Variants in TMEM108 observed in about 807,000 individuals in gnomAD.
TMEM108 encodes the protein transmembrane protein 108, also known as cancer/testis antigen 124.
A neutral mutation model predicts 35.1 loss-of-function variants in TMEM108; 12 were observed. The ratio of observed to expected loss-of-function variants is 0.34; its 90% CI spans 0.22 to 0.55. The LOEUF (loss-of-function observed/expected upper bound fraction) is 0.55. TMEM108 is among the 20% of genes least tolerant of loss of function. The pLI, the probability that TMEM108 is intolerant of heterozygous loss-of-function variation, is 0.89. For synonymous variants in TMEM108, 287 were observed against 308.6 expected, an observed-to-expected ratio of 0.93 and a Z score of 0.73; for missense variants, 680 against 753.3, an observed-to-expected ratio of 0.90 and a Z score of 1.14.
intron 3 of TMEM108, among the ~76,000 whole-genome samples, chr3:133,263,484 G>C (rs944553471): frequency 1.3e-5 from 2 of 152,164 alleles, no homozygotes; most frequent in African/African-American, 4.8e-5. Flanking sequence ...CCCCAAATCT[G>C]TGAACACTGT....
At chr3:133,147,626 C>A (rs893006451) in intron 2 of TMEM108, among the ~76,000 whole-genome samples, 2 of 152,240 alleles carry the variant, frequency 1.3e-5, no homozygotes, top group East Asian at 1.9e-4. Context: ...ACTTTCTTAA[C>A]CCTCTTGAGC....
intron 2 of TMEM108, among the ~76,000 whole-genome samples, chr3:133,198,995 C>CT (rs1437881738): frequency 6.6e-5 from 10 of 152,146 alleles, no homozygotes; most frequent in African/African-American, 1.7e-4. Context: ...TCTTTTTACT[C>CT]TTTTTTCTCT....
chr3:133,272,272 C>CATGTGTGTGTGTGTGTGTGT (rs373072243), intron 3 of TMEM108, among the ~76,000 whole-genome samples: 5 of 137,726 alleles, frequency 3.6e-5, no homozygotes, highest in African/African-American at 1.1e-4. Flanking sequence ...CATACACGTA[C>CATGTGTGTGTGTGTGTGTGT]GTGTGTGTGT....
At chr3:133,394,547 C>T (rs530259074) in intron 5 of TMEM108, among the ~76,000 whole-genome samples, 1 of 152,284 alleles carries the variant, frequency 6.6e-6, no homozygotes, top group African/African-American at 2.4e-5. Flanking sequence ...AAAACATACC[C>T]ACATGGTTTT....
chr3:133,292,628 G>A (rs979297303), intron 3 of TMEM108, among the ~76,000 whole-genome samples: 6 of 152,188 alleles, frequency 3.9e-5, no homozygotes, highest in African/African-American at 1.4e-4. Context: ...TTGTTTCAGA[G>A]CCTGCCTGCT....
intron 2 of TMEM108, among the ~76,000 whole-genome samples, chr3:133,148,955 C>T (rs1164684235): frequency 6.6e-6 from 1 of 152,164 alleles, no homozygotes; most frequent in Non-Finnish European, 1.5e-5. Flanking sequence ...CAAAATTATG[C>T]CACTGCACTC....
At chr3:133,298,096 G>A (rs1286560073) in intron 3 of TMEM108, among the ~76,000 whole-genome samples, 5 of 152,102 alleles carry the variant, frequency 3.3e-5, no homozygotes, top group African/African-American at 4.8e-5. Context: ...GGAGAGAATT[G>A]GAGCAGGTAG....
At chr3:133,315,214 T>G (rs1208113986) in intron 3 of TMEM108, among the ~76,000 whole-genome samples, 1 of 152,214 alleles carries the variant, frequency 6.6e-6, no homozygotes, top group Non-Finnish European at 1.5e-5. Flanking sequence ...AATATCCTGT[T>G]TTTATGGTTG....
intron 3 of TMEM108, among the ~76,000 whole-genome samples, chr3:133,377,883 G>C (rs1448512348): frequency 6.6e-6 from 1 of 152,214 alleles, no homozygotes; most frequent in African/African-American, 2.4e-5. Context: ...TCTCATAGGA[G>C]CACAAACCCT....
chr3:133,390,143 G>T, intron 4 of TMEM108, 37 bp from the exon 5 acceptor site: 1 of 1,612,450 alleles, frequency 6.2e-7, no homozygotes, highest in Non-Finnish European at 8.5e-7. Context: ...CATCCTTGCT[G>T]CCTCCCTCTC....
intron 3 of TMEM108, among the ~76,000 whole-genome samples, chr3:133,241,859 C>A (rs1946318502): frequency 6.6e-6 from 1 of 152,132 alleles, no homozygotes; most frequent in African/African-American, 2.4e-5. Flanking sequence ...GGTAATCCAC[C>A]TGCCACAGCC....
intron 2 of TMEM108, among the ~76,000 whole-genome samples, chr3:133,099,068 C>T (rs1314663148): frequency 6.6e-6 from 1 of 152,232 alleles, no homozygotes; most frequent in Admixed American, 6.5e-5. Context: ...CCCACCCCTG[C>T]AGCAAACTTT....
intron 3 of TMEM108, among the ~76,000 whole-genome samples, chr3:133,313,000 C>A (rs2107712943): frequency 6.6e-6 from 1 of 152,230 alleles, no homozygotes; most frequent in South Asian, 2.1e-4. Flanking sequence ...TATCAATATT[C>A]TAATTTTATC....
intron 2 of TMEM108, among the ~76,000 whole-genome samples, chr3:133,138,402 A>G (rs1944594737): frequency 6.6e-6 from 1 of 152,142 alleles, no homozygotes; most frequent in South Asian, 2.1e-4. Flanking sequence ...AACTTATCCA[A>G]CCCAGGGCCT....
At chr3:133,339,071 G>T (rs1234689528) in intron 3 of TMEM108, among the ~76,000 whole-genome samples, 1 of 151,372 alleles carries the variant, frequency 6.6e-6, no homozygotes, top group Non-Finnish European at 1.5e-5. Flanking sequence ...AAACAACCAG[G>T]GGGCAAATAA....
chr3:133,202,898 A>T lies in TMEM108; in HGVS notation c.-46-26368A>T, dbSNP rs140618838. Among the ~76,000 whole-genome samples, 321 of 152,264 alleles carry T rather than the reference A, an allele frequency of 2.1e-3. 2 individuals are homozygous for T. In the Middle Eastern group the frequency reaches 0.037, roughly 18 times the overall value. ...TACTTTTGGCAGTATGGCCATTTTC[A>T]TGATATTGATTCTTCCTATCCATGA... On this transcript the variant is annotated intron_variant, in intron 2 of 5. Coordinates refer to ENST00000321871, the MANE Select transcript of TMEM108 (RefSeq NM_023943.4).
intron 3 of TMEM108, among the ~76,000 whole-genome samples, chr3:133,245,369 A>G (rs1001159625): frequency 6.6e-6 from 1 of 152,154 alleles, no homozygotes. Flanking sequence ...ACTTCAACTT[A>G]TTCCTTGCGA....
chr3:133,372,641 C>T (rs1021591623), intron 3 of TMEM108, among the ~76,000 whole-genome samples: 1 of 152,202 alleles, frequency 6.6e-6, no homozygotes, highest in East Asian at 1.9e-4. Flanking sequence ...GAAGCAGTTT[C>T]CCAAAGTACA....
intron 2 of TMEM108, among the ~76,000 whole-genome samples, chr3:133,085,022 C>T (rs1026312331): frequency 6.6e-6 from 1 of 152,160 alleles, no homozygotes; most frequent in Non-Finnish European, 1.5e-5. Context: ...CCTCGCGAGG[C>T]CTCATGATGT....
Sources: gnomAD v4.1 joint callset for allele counts (sites outside exome capture counted in the v4.1 genomes callset) on GRCh38, gnomAD v4.1.1 for gene constraint, MANE v1.5 for transcripts, NCBI Gene and HGNC (gene_info 2026-07-23, HGNC 2026-07-21) for gene names.